OXTR: variants seen among roughly 807,000 people sequenced by gnomAD.
The protein encoded by OXTR is oxytocin receptor.
Under a neutral mutation model 23.9 loss-of-function variants are expected in OXTR, and 19 were observed. The observed-to-expected ratio is 0.80, with a 90% CI of 0.56 to 1.17. The LOEUF (loss-of-function observed/expected upper bound fraction) is 1.17. Among genes scored for constraint, OXTR ranks in the 50% most tolerant of loss-of-function variants. The probability of loss-of-function intolerance (pLI) is 0.00; values close to 1 mark genes in which losing one functional copy is unlikely to be tolerated. For missense variants in OXTR, 500 were observed against 550.7 expected, an observed-to-expected ratio of 0.91 and a Z score of 0.92; for synonymous variants, 278 against 250.5, an observed-to-expected ratio of 1.11 and a Z score of -1.04.
chr3:8,752,711 A>G lies in OXTR; in HGVS notation c.*266T>C. 1 of 437,474 alleles carries G rather than the reference A, an allele frequency of 2.3e-6. No individual in the cohort carries two copies. The highest frequency in any genetic ancestry group is 3.6e-5 in the East Asian group (1 of 27,470). 27.1% of individuals were successfully genotyped at this position (437,474 alleles called of 1,614,324 possible). A position where few individuals can be genotyped will look rare whatever the true frequency, so the allele number is the denominator to read the frequency against. ...GAGTGAAATTACAAGTCCAGGAGAA[A>G]AAACAAGCCACTCACTGCCCAGGGC... On this transcript the variant is annotated 3_prime_UTR_variant, in exon 4 of 4. Coordinates refer to ENST00000316793, the MANE Select transcript of OXTR (RefSeq NM_000916.4).
At chr3:8,756,787 C>T (rs1708384016) in intron 3 of OXTR, among the ~76,000 whole-genome samples, 1 of 152,228 alleles carries the variant, frequency 6.6e-6, no homozygotes, top group South Asian at 2.1e-4. Context: ...TGTGCAAAGG[C>T]CAGGCCCCAT....
At chr3:8,742,037 C>T in the OXTR span, among the ~76,000 whole-genome samples, 3 of 152,220 alleles carry the variant, frequency 2.0e-5, no homozygotes, top group African/African-American at 7.2e-5. Context: ...GCCCACCACC[C>T]TCCAAGAAAA....
the OXTR span, chr3:8,745,123 A>C: frequency 2.3e-5 from 5 of 218,494 alleles, no homozygotes; most frequent in South Asian, 3.6e-4. The surrounding 1 kb of genome is among the most constrained non-coding windows in gnomAD (Gnocchi z 4.8). Context: ...TCCTCACAAT[A>C]GTGGGAGAGT....
At chr3:8,757,506 T>C (rs1044667141) in intron 3 of OXTR, among the ~76,000 whole-genome samples, 2 of 151,442 alleles carry the variant, frequency 1.3e-5, no homozygotes, top group Non-Finnish European at 2.9e-5. Flanking sequence ...AGAAAGGAAC[T>C]CTAGACAGTC....
chr3:8,758,454 A>G (rs1370113917), intron 3 of OXTR, among the ~76,000 whole-genome samples: 4 of 152,212 alleles, frequency 2.6e-5, no homozygotes, highest in African/African-American at 9.6e-5. Context: ...ATTTGCCACA[A>G]GGCCTCCCCA....
At chr3:8,753,897 T>C (rs1189886616) in intron 3 of OXTR, among the ~76,000 whole-genome samples, 1 of 152,172 alleles carries the variant, frequency 6.6e-6, no homozygotes, top group African/African-American at 2.4e-5. Flanking sequence ...CTGAGAGTCA[T>C]GGCTGGCCCC....
intron 3 of OXTR, among the ~76,000 whole-genome samples, chr3:8,755,039 T>G (rs1708345551): frequency 1.3e-5 from 2 of 152,180 alleles, no homozygotes; most frequent in Non-Finnish European, 2.9e-5. Context: ...TGTTAAGAAA[T>G]TTGCTTTGAT....
downstream of OXTR, among the ~76,000 whole-genome samples, chr3:8,748,545 C>T (rs945758106): frequency 6.6e-6 from 1 of 152,158 alleles, no homozygotes; most frequent in Non-Finnish European, 1.5e-5. Flanking sequence ...TTCCAGTCAC[C>T]GTTCTTGGGA....
intron 3 of OXTR, 21 bp from the exon 4 acceptor site, chr3:8,753,245 G>GT: frequency 2.5e-6 from 4 of 1,612,784 alleles, no homozygotes; most frequent in Non-Finnish European, 3.4e-6. Flanking sequence ...GGGGGCAGGA[G>GT]AAAGGAGAAA....
downstream of OXTR, among the ~76,000 whole-genome samples, chr3:8,749,270 CATA>C (rs1363748713): frequency 2.6e-5 from 4 of 152,102 alleles, no homozygotes; most frequent in African/African-American, 4.8e-5. Flanking sequence ...ACTCCTGCGC[CATA>C]ATAAGACCCA....
intron 3 of OXTR, among the ~76,000 whole-genome samples, chr3:8,763,112 G>A (rs1199409142): frequency 6.6e-6 from 1 of 152,134 alleles, no homozygotes; most frequent in Non-Finnish European, 1.5e-5. Context: ...CAGCGTCCCT[G>A]CTGTGATAGG....
the OXTR span, chr3:8,742,383 A>G: frequency 2.8e-6 from 1 of 361,634 alleles, no homozygotes; most frequent in South Asian, 2.0e-5. Flanking sequence ...AAGAAGAAGA[A>G]GAAGAAGAAA....
At chr3:8,753,808 C>A (rs2139184) in intron 3 of OXTR, among the ~76,000 whole-genome samples, 11,139 of 110,684 alleles carry the variant, frequency 0.1, 957 homozygotes, top group African/African-American at 0.28. Flanking sequence ...GACCATGTGC[C>A]GGGCAAATCA....
At chr3:8,757,113 C>A (rs1040523707) in intron 3 of OXTR, among the ~76,000 whole-genome samples, 3 of 152,124 alleles carry the variant, frequency 2.0e-5, no homozygotes, top group Non-Finnish European at 2.9e-5. Context: ...CCCACCTAAT[C>A]ACTCTCTGAA....
At chr3:8,745,468 A>T, downstream of OXTR, 1 of 1,411,206 alleles carries the variant, frequency 7.1e-7, no homozygotes, top group African/African-American at 1.4e-5. The surrounding 1 kb of genome is among the most constrained non-coding windows in gnomAD (Gnocchi z 4.8). Context: ...CACACACCCA[A>T]AAGCTTGAGA....
downstream of OXTR, chr3:8,745,679 T>C: frequency 1.2e-6 from 2 of 1,614,182 alleles, no homozygotes; most frequent in Non-Finnish European, 1.7e-6. This position sits in a 1 kb window ranked among gnomAD's most constrained non-coding sequence, Gnocchi z 4.8. Context: ...GCTCTGGGGC[T>C]TCCTGTTCGC....
chr3:8,744,722 T>A, the OXTR span: 2 of 152,208 alleles, frequency 1.3e-5, no homozygotes, highest in African/African-American at 4.8e-5. Flanking sequence ...AATCCACAGG[T>A]GCTCAGTAAA....
intron 3 of OXTR, among the ~76,000 whole-genome samples, chr3:8,760,057 A>AC (rs1233637639): frequency 6.6e-6 from 1 of 152,198 alleles, no homozygotes; most frequent in African/African-American, 2.4e-5. Context: ...CGCCAACTGG[A>AC]CCTGCAGCCC....
intron 3 of OXTR, among the ~76,000 whole-genome samples, chr3:8,761,995 A>G (rs944984935): frequency 6.6e-6 from 1 of 152,194 alleles, no homozygotes; most frequent in African/African-American, 2.4e-5. Context: ...GTCCGGCTTC[A>G]GCCCCTGGGA....
Sources: gnomAD v4.1 joint callset for allele counts (sites outside exome capture counted in the v4.1 genomes callset) on GRCh38, gnomAD v4.1.1 for gene constraint, Gnocchi (gnomAD v3.1) non-coding constraint, MANE v1.5 for transcripts, NCBI Gene and HGNC (gene_info 2026-07-23, HGNC 2026-07-21) for gene names.